SPATA9: variants seen among roughly 807,000 people sequenced by gnomAD.
SPATA9 encodes spermatogenesis associated 9, also known as spermatogenesis-associated protein 9.
In SPATA9, 27 loss-of-function variants were observed where a neutral mutation model predicts 25.5. That is an observed-to-expected ratio of 1.06 (90% CI 0.78 to 1.46). SPATA9 has a LOEUF of 1.46. SPATA9 is among the 40% of genes most tolerant of loss of function. The probability of loss-of-function intolerance (pLI) is 0.00; values close to 1 mark genes in which losing one functional copy is unlikely to be tolerated. For synonymous variants in SPATA9, 102 were observed against 105.7 expected, an observed-to-expected ratio of 0.97 and a Z score of 0.21; for missense variants, 282 against 297.5, an observed-to-expected ratio of 0.95 and a Z score of 0.38.
chr5:95,664,017 G>A lies in SPATA9; in HGVS notation c.410C>T (p.Ser137Phe). Residue 137 changes from serine (S) to phenylalanine (F), a missense_variant, in exon 4 of 5, where the codon TCC becomes TTC. By Grantham distance (155) the Ser-to-Phe change is radical. Transcript: ENST00000274432. The part of the protein sequence containing the change: ...VRKGSLFEII[S>F]FPAKTALTSI... Reference sequence around the variant, plus strand: ...AGTTAAAGCAGTCTTTGCTGGAAAGGAGATGATTTCAAACAAAGAACCCTT... The same window carrying A: ...AGTTAAAGCAGTCTTTGCTGGAAAGAAGATGATTTCAAACAAAGAACCCTT... 1.9e-6 allele frequency: 3 copies of A among 1,593,534 alleles called. No individual in the cohort carries two copies. The South Asian group carries it at 3.4e-5, about 18-fold the overall frequency.
chr5:95,710,096 T>A, the SPATA9 span, among the ~76,000 whole-genome samples: 1 of 152,162 alleles, frequency 6.6e-6, no homozygotes, highest in African/African-American at 2.4e-5. Flanking sequence ...CTGAGGTGTT[T>A]GCTTGTAAAG....
downstream of SPATA9, chr5:95,654,101 G>A (rs1384092534): frequency 6.2e-7 from 1 of 1,611,792 alleles, no homozygotes; most frequent in East Asian, 2.2e-5. Context: ...TGAAAAGAGG[G>A]AATATTCTTC....
the SPATA9 span, chr5:95,708,788 CT>C: frequency 3.3e-6 from 2 of 604,036 alleles, no homozygotes; most frequent in Non-Finnish European, 5.9e-6. Flanking sequence ...GCAAAGGTGA[CT>C]TCCTTGGAAG....
At chr5:95,730,348 A>G in the SPATA9 span, among the ~76,000 whole-genome samples, 17 of 152,244 alleles carry the variant, frequency 1.1e-4, no homozygotes, top group Middle Eastern at 3.2e-3. Context: ...AGAGTAAGGT[A>G]CTGGTTAGAA....
rs778418552 is a variant in SPATA9, at chr5:95,682,856, G to T, written c.-2C>A. ...CCACCCAACAGGTTTGATTGGCATG[G>T]TGAGTTCTTGCTTGGGTTCCTAGTC... On this transcript the variant is annotated 5_prime_UTR_variant, in exon 1 of 5. Coordinates refer to ENST00000274432, the MANE Select transcript of SPATA9 (RefSeq NM_031952.4). 6.6e-7 allele frequency: 1 copy of T among 1,522,790 alleles called. No individual in the cohort carries two copies. The highest frequency in any genetic ancestry group is 2.3e-5 in the Admixed American group (1 of 44,236). 94.3% of individuals were successfully genotyped at this position (1,522,790 alleles called of 1,614,324 possible). A position where few individuals can be genotyped will look rare whatever the true frequency, so the allele number is the denominator to read the frequency against.
chr5:95,714,050 A>AT, the SPATA9 span, among the ~76,000 whole-genome samples: 1 of 152,016 alleles, frequency 6.6e-6, no homozygotes, highest in Admixed American at 6.6e-5. Flanking sequence ...CTTTTCCCTA[A>AT]TTTTTTATAT....
chr5:95,677,937 A>G lies in SPATA9; in HGVS notation c.151-2298T>C, dbSNP rs367589837. Among the ~76,000 whole-genome samples the G allele has an allele frequency of 6.6e-5, 10 of 152,292 alleles. No homozygotes were observed. In the East Asian group the frequency reaches 1.2e-3, roughly 18 times the overall value. On this transcript the variant is annotated intron_variant, in intron 2 of 4. Transcript: ENST00000274432. Reference sequence around the variant, plus strand: ...TACTACTTTAAATTCATCATATGGAAATCTTTTGAAATTTGCAAGTGTAAA... The same window carrying G: ...TACTACTTTAAATTCATCATATGGAGATCTTTTGAAATTTGCAAGTGTAAA...
intron 2 of SPATA9, among the ~76,000 whole-genome samples, chr5:95,680,582 G>A (rs992879858): frequency 6.6e-6 from 1 of 151,910 alleles, no homozygotes; most frequent in African/African-American, 2.4e-5. Flanking sequence ...TGGCATTGTC[G>A]GGGGTTCTAT....
At chr5:95,693,730 T>C (rs1450785848) in intron 1 of SPATA9, among the ~76,000 whole-genome samples, 2 of 152,354 alleles carry the variant, frequency 1.3e-5, no homozygotes, top group Middle Eastern at 3.4e-3. Context: ...AGAAAATTTT[T>C]TGTTATAAAT....
At chr5:95,718,192 C>T in the SPATA9 span, among the ~76,000 whole-genome samples, 2 of 151,860 alleles carry the variant, frequency 1.3e-5, no homozygotes, top group South Asian at 4.1e-4. Context: ...TTGCTTCTAG[C>T]CGTATGGGGA....
At chr5:95,731,736 G>T in the SPATA9 span, 1 of 1,611,804 alleles carries the variant, frequency 6.2e-7, no homozygotes, top group Non-Finnish European at 8.5e-7. Context: ...CGTGCCGTGC[G>T]CCCCAGGGAC....
chr5:95,654,506 T>C (rs1750604493), downstream of SPATA9: 3 of 656,170 alleles, frequency 4.6e-6, no homozygotes, highest in South Asian at 2.2e-5. Flanking sequence ...AAATGAGAAA[T>C]ATGCTTATCT....
chr5:95,712,644 A>G, the SPATA9 span, among the ~76,000 whole-genome samples: 1 of 152,176 alleles, frequency 6.6e-6, no homozygotes, highest in Non-Finnish European at 1.5e-5. Flanking sequence ...GGATGATTCC[A>G]GCCTGAGTCA....
chr5:95,700,295 T>TA (rs1229079192), upstream of SPATA9, among the ~76,000 whole-genome samples: 1 of 151,950 alleles, frequency 6.6e-6, no homozygotes. Context: ...TAACTACATT[T>TA]AAAAAAAATT....
intron 3 of SPATA9, chr5:95,674,732 G>A (rs760092890): frequency 2.2e-6 from 1 of 456,362 alleles, no homozygotes; most frequent in South Asian, 1.6e-5. Flanking sequence ...GGTTGTTTAT[G>A]GGAGCTAATA....
chr5:95,666,996 C>G (rs1233095272), intron 3 of SPATA9, among the ~76,000 whole-genome samples: 1 of 152,162 alleles, frequency 6.6e-6, no homozygotes, highest in Non-Finnish European at 1.5e-5. Flanking sequence ...TCATTACATG[C>G]TAGGTTCTAT....
At chr5:95,672,637 T>C (rs1752511477) in intron 3 of SPATA9, among the ~76,000 whole-genome samples, 1 of 152,168 alleles carries the variant, frequency 6.6e-6, no homozygotes, top group Admixed American at 6.5e-5. Context: ...TCAGAAAAGA[T>C]AGTCACAGTT....
chr5:95,731,002 TG>T, the SPATA9 span: 1 of 657,258 alleles, frequency 1.5e-6, no homozygotes, highest in East Asian at 6.9e-5. Flanking sequence ...CAGTCCGGAG[TG>T]AGCGGGGGCC....
At chr5:95,674,660 G>T (rs996175331) in intron 3 of SPATA9, 2 of 394,256 alleles carry the variant, frequency 5.1e-6, no homozygotes, top group Admixed American at 3.0e-5. Flanking sequence ...AAGCGAGAAA[G>T]GATCCGGAAG....
Sources: allele counts gnomAD v4.1 joint callset (sites outside exome capture counted in the v4.1 genomes callset), GRCh38; gene constraint gnomAD v4.1.1; transcripts MANE v1.5; gene names NCBI Gene and HGNC (gene_info 2026-07-23, HGNC 2026-07-21).